STRIP2: variants seen among roughly 807,000 people sequenced by gnomAD.
STRIP2 encodes the protein striatin interacting protein 2.
Under a neutral mutation model 107.1 loss-of-function variants are expected in STRIP2, and 84 were observed. That is an observed-to-expected ratio of 0.78 (90% confidence interval 0.66 to 0.94). STRIP2 has a LOEUF of 0.94. Among genes scored for constraint, STRIP2 ranks in the 40% least tolerant of loss-of-function variants. STRIP2 has a pLI of 0.00. For synonymous variants in STRIP2, 394 were observed against 400.4 expected (o/e 0.98, Z 0.19); for missense variants, 888 against 1,034.2 (o/e 0.86, Z 1.94).
intron 1 of STRIP2, among the ~76,000 whole-genome samples, chr7:129,437,799 T>C (rs1797783043): frequency 1.1e-5 from 1 of 87,080 alleles, no homozygotes; most frequent in Non-Finnish European, 2.4e-5. Context: ...ATGATTCGCC[T>C]TGTTTTTTTT....
In STRIP2 at chr7:129,483,384, G is replaced by A. The variant is rs1799175359; in HGVS notation, c.2254+338G>A. ...TTATTACAAAGCAGTTAGAAAAAAA[G>A]ATAGAAAATACAAGTAAACAAACAT... On this transcript the variant is annotated intron_variant, in intron 20 of 20. Coordinates refer to ENST00000249344, the MANE Select transcript of STRIP2 (RefSeq NM_020704.3). The surrounding 1 kb of genome is among the most constrained non-coding windows in gnomAD (Gnocchi z 5.1). 2 of 929,624 alleles carry A rather than the reference G, an allele frequency of 2.2e-6. No homozygotes were observed. The highest frequency in any genetic ancestry group is 1.7e-5 in the African/African-American group (1 of 57,368). 57.6% of individuals were successfully genotyped at this position (929,624 alleles called of 1,614,324 possible).
intron 18 of STRIP2, among the ~76,000 whole-genome samples, chr7:129,475,662 TAAAC>T (rs1325017500): frequency 6.7e-6 from 1 of 148,660 alleles, no homozygotes; most frequent in Non-Finnish European, 1.5e-5. Flanking sequence ...GTTCAGCAGA[TAAAC>T]AAGTGAACAA....
intron 19 of STRIP2, among the ~76,000 whole-genome samples, chr7:129,481,948 A>T (rs1799127742): frequency 6.6e-6 from 1 of 151,808 alleles, no homozygotes; most frequent in Admixed American, 6.6e-5. Context: ...TGGGAGGATC[A>T]CTTGAGGTCA....
rs750465835 is a variant in STRIP2, at chr7:129,454,145, C to A, written c.534C>A (p.Asn178Lys). The A allele has an allele frequency of 3.7e-6, 6 of 1,613,944 alleles. No homozygotes were observed. In the Admixed American group the frequency reaches 1.0e-4, roughly 27 times the overall value. The stretch of plus-strand genomic sequence containing the variant: ...TCTTTTTCTCCTCCCCTGGCAGCAA[C>A]AGCCAGGCCTGTAGCAGTGCCCTTC... ...FLELLHMEID[N>K]SQACSSALRK... The change falls in exon 6 of 21, where the codon AAC becomes AAA. Residue 178 changes from asparagine to lysine, a missense_variant. Asn to Lys is a moderately conservative substitution (Grantham distance 94). Transcript: ENST00000249344.
intron 17 of STRIP2, 35 bp from the exon 18 acceptor site, chr7:129,470,614 T>A: frequency 6.4e-7 from 1 of 1,567,346 alleles, no homozygotes; most frequent in African/African-American, 1.4e-5. Flanking sequence ...TGTTGCCATT[T>A]ACCTAAAGCC....
chr7:129,460,653 G>GGAGTAGGTAGACCTCT (rs1798507521), intron 13 of STRIP2: 3 of 409,730 alleles, frequency 7.3e-6, no homozygotes. Flanking sequence ...TTGGGCAGTT[G>GGAGTAGGTAGACCTCT]GAGTAGGTAG....
intron 18 of STRIP2, among the ~76,000 whole-genome samples, chr7:129,472,016 A>G (rs1252904756): frequency 6.6e-6 from 1 of 152,144 alleles, no homozygotes; most frequent in Non-Finnish European, 1.5e-5. Context: ...CACACTACAG[A>G]GATGTAGCTA....
intron 18 of STRIP2, among the ~76,000 whole-genome samples, chr7:129,475,771 C>G (rs992293246): frequency 2.0e-5 from 3 of 151,748 alleles, no homozygotes; most frequent in Non-Finnish European, 2.9e-5. Context: ...TGACTCTTAA[C>G]GAGCATGCTG....
chr7:129,455,922 T>G (rs1798334717), intron 8 of STRIP2, among the ~76,000 whole-genome samples: 1 of 152,160 alleles, frequency 6.6e-6, no homozygotes, highest in Non-Finnish European at 1.5e-5. Flanking sequence ...GCATGAGCCA[T>G]TGTGCCTGGC....
intron 2 of STRIP2, among the ~76,000 whole-genome samples, chr7:129,442,749 G>A (rs978314774): frequency 3.9e-5 from 6 of 152,078 alleles, no homozygotes; most frequent in Non-Finnish European, 5.9e-5. Flanking sequence ...CCTAGATTCT[G>A]GAACTTAAGA....
chr7:129,434,872 T>C (rs1797689828), intron 1 of STRIP2, among the ~76,000 whole-genome samples: 1 of 152,242 alleles, frequency 6.6e-6, no homozygotes, highest in Non-Finnish European at 1.5e-5. Context: ...CCAGATACTT[T>C]CCAAATATTT....
At chr7:129,450,703 C>T (rs548932588) in intron 3 of STRIP2, among the ~76,000 whole-genome samples, 9 of 152,330 alleles carry the variant, frequency 5.9e-5, no homozygotes, top group African/African-American at 2.2e-4. Context: ...CTGCCCCAGC[C>T]TCCCAAGTAG....
rs2150996921 is a variant in STRIP2, at chr7:129,453,340, G to A, written c.523G>A (p.Glu175Lys). The A allele has an allele frequency of 1.2e-6, 2 of 1,614,102 alleles. No homozygotes were observed. Among genetic ancestry groups the A allele is most frequent in the Non-Finnish European group, 1.7e-6 (2 of 1,179,992 alleles). ...FSTFLELLHMEIDNSQACSSA... is the reference protein window; with the variant it reads ...FSTFLELLHMKIDNSQACSSA... ...CACCTTCCTGGAGCTACTCCACATG[G>A]AAATTGAGTGAGAAGCCTTAGGGGA... Residue 175 changes from glutamate to lysine, a missense_variant, in exon 5 of 21, where the codon GAA becomes AAA. Transcript: ENST00000249344.
chr7:129,467,546 A>T (rs1584959336), intron 17 of STRIP2, 96 bp downstream of exon 17: 8 of 777,932 alleles, frequency 1.0e-5, no homozygotes, highest in African/African-American at 1.7e-5. Context: ...TGGTGTCCCT[A>T]GTCCCTCCTG....
rs372397517 is a variant in STRIP2, at chr7:129,454,150, A to G, written c.539A>G (p.Gln180Arg). The G allele has an allele frequency of 8.1e-6, 13 of 1,614,014 alleles. No individual in the cohort carries two copies. Among genetic ancestry groups the G allele is most frequent in the Admixed American group, 1.7e-5 (1 of 60,004 alleles). ...TTCTCCTCCCCTGGCAGCAACAGCC[A>G]GGCCTGTAGCAGTGCCCTTCGGAAA... ...ELLHMEIDNSQACSSALRKPA... is the reference protein window; with the variant it reads ...ELLHMEIDNSRACSSALRKPA... The change falls in exon 6 of 21, where the codon CAG (glutamine) becomes CGG (arginine). Residue 180 changes from glutamine (Q) to arginine (R), a missense_variant. By Grantham distance (43) the Gln-to-Arg change is conservative. Coordinates refer to ENST00000249344, the MANE Select transcript of STRIP2 (RefSeq NM_020704.3).
intron 17 of STRIP2, 56 bp from the exon 18 acceptor site, chr7:129,470,593 C>A: frequency 7.0e-7 from 1 of 1,425,296 alleles, no homozygotes; most frequent in Non-Finnish European, 9.9e-7. Flanking sequence ...CCAGATACAG[C>A]CAATTCCTGC....
In STRIP2 at chr7:129,485,562, C is replaced by T; in HGVS notation, c.2255-17C>T. On this transcript the variant is annotated splice_polypyrimidine_tract_variant and intron_variant, in intron 20 of 20. Coordinates refer to ENST00000249344, the MANE Select transcript of STRIP2 (RefSeq NM_020704.3). ...TCTTGCATTGTATGTCTTCTTCTTC[C>T]TCTCTTTCCAACACAGACATCGATG... 1.9e-6 allele frequency: 3 copies of T among 1,613,082 alleles called. No homozygotes were observed. Among genetic ancestry groups the T allele is most frequent in the East Asian group, 2.2e-5 (1 of 44,840 alleles).
At chr7:129,473,726 TA>T (rs1479318363) in intron 18 of STRIP2, among the ~76,000 whole-genome samples, 2 of 151,948 alleles carry the variant, frequency 1.3e-5, no homozygotes, top group African/African-American at 4.8e-5. Context: ...TTTATTTATT[TA>T]TTTTTTTTGA....
rs1799273219 is a variant in STRIP2 at position 129,487,833 on chromosome 7, TG to T, written c.*2005del. ...CAATTTATGTCAAGAACAAAGAAAT[TG>T]CCCTTTTAAAAGCATGTACGTGAAT... is the stretch of plus-strand genomic sequence containing the variant. On this transcript the variant is annotated 3_prime_UTR_variant, in exon 21 of 21. Coordinates refer to ENST00000249344, the MANE Select transcript of STRIP2 (RefSeq NM_020704.3). 6.6e-6 allele frequency: 1 copy of T among 152,196 alleles called. No homozygotes were observed. Among genetic ancestry groups the T allele is most frequent in the African/African-American group, 2.4e-5 (1 of 41,458 alleles). The allele number at this position is 152,196 out of a possible 1,614,324, so 9.4% of individuals were successfully genotyped here. A position where few individuals can be genotyped will look rare whatever the true frequency, so the allele number is the denominator to read the frequency against.
Sources: gnomAD v4.1 joint callset for allele counts (sites outside exome capture counted in the v4.1 genomes callset) on GRCh38, gnomAD v4.1.1 for gene constraint, Gnocchi (gnomAD v3.1) non-coding constraint, MANE v1.5 for transcripts, NCBI Gene and HGNC (gene_info 2026-07-23, HGNC 2026-07-21) for gene names.